The following CDK10 variants were observed in gnomAD, a reference collection of about 807,000 sequenced individuals.
The protein encoded by CDK10 is cyclin-dependent kinase 10.
A neutral mutation model predicts 51.0 loss-of-function variants in CDK10; 55 were observed. The ratio of observed to expected loss-of-function variants is 1.08; its 90% CI spans 0.87 to 1.35. The LOEUF is 1.35. Among genes scored for constraint, CDK10 ranks in the 40% most tolerant of loss-of-function variants. The pLI, the probability that CDK10 is intolerant of heterozygous loss-of-function variation, is 0.00. For synonymous variants in CDK10, 255 were observed against 199.1 expected (o/e 1.28, Z -2.36); for missense variants, 589 against 485.1 (o/e 1.21, Z -2.01).
Position 89,696,053 on chromosome 16 carries a change from G to A in CDK10, c.*361G>A, listed in dbSNP as rs567776031. ...CCGCTGTCTTTGAGTTGTGGTGGAC[G>A]CTGGCCTGGGATGAGAGGGCCCAGA... On this transcript the variant is annotated 3_prime_UTR_variant, in exon 13 of 13. Transcript: ENST00000353379. The A allele has an allele frequency of 2.6e-5, 15 of 567,586 alleles. No individual in the cohort carries two copies. The highest frequency in any genetic ancestry group is 8.0e-5 in the South Asian group (4 of 49,878). 35.2% of individuals were successfully genotyped at this position (567,586 alleles called of 1,614,324 possible).
intron 2 of CDK10, chr16:89,690,281 G>A (rs925687623): frequency 5.9e-6 from 3 of 504,524 alleles, no homozygotes; most frequent in African/African-American, 5.7e-5. Flanking sequence ...GACATGGAGA[G>A]CCTGGAGCCA....
At chr16:89,688,718 T>C (rs946929966) in intron 1 of CDK10, among the ~76,000 whole-genome samples, 1 of 152,222 alleles carries the variant, frequency 6.6e-6, no homozygotes, top group Non-Finnish European at 1.5e-5. Context: ...TATTTTTGTA[T>C]GTGGGATTGA....
chr16:89,692,845 T>C (rs990682895), intron 6 of CDK10, among the ~76,000 whole-genome samples: 1 of 150,462 alleles, frequency 6.6e-6, no homozygotes, highest in African/African-American at 2.4e-5. Context: ...AAAAAAATAA[T>C]AAAGATACTA....
chr16:89,694,646 G>A lies in CDK10; in HGVS notation c.669-19G>A. 2 of 1,580,116 alleles carry A rather than the reference G, an allele frequency of 1.3e-6. No individual in the cohort carries two copies. Among genetic ancestry groups the A allele is most frequent in the Admixed American group, 1.8e-5 (1 of 56,012 alleles). The stretch of plus-strand genomic sequence containing the variant: ...GTCAGCAGACGTCTGGCCGCAGTGA[G>A]GTCCACTGTTCTCTGCAGGGCTGTG... On this transcript the variant is annotated intron_variant, in intron 9 of 12. Transcript: ENST00000353379.
At chr16:89,689,494 C>G in intron 2 of CDK10, 170 bp downstream of exon 2, 1 of 627,334 alleles carries the variant, frequency 1.6e-6, no homozygotes, top group Non-Finnish European at 2.9e-6. Context: ...TTATCACAAA[C>G]ATTGTACCAT....
rs1331586122 is a variant in CDK10, at chr16:89,695,682, G to GT, written c.1074dup (p.Lys359Ter). The GT allele has an allele frequency of 8.1e-6, 13 of 1,597,874 alleles. No individual in the cohort carries two copies. Among genetic ancestry groups the GT allele is most frequent in the Non-Finnish European group, 1.0e-5 (12 of 1,174,512 alleles). On this transcript the variant is annotated frameshift_variant, in exon 13 of 13. Coordinates refer to ENST00000353379, the MANE Select transcript of CDK10 (RefSeq NM_052988.5). LOFTEE classifies it high-confidence loss of function. Reference sequence around the variant, plus strand: ...ACCTCCGAGGGCCAGAGCAAGCGCTGTAAACCCTGACGGTGGGCCTGGCAC... The same window carrying GT: ...ACCTCCGAGGGCCAGAGCAAGCGCTGTTAAACCCTGACGGTGGGCCTGGCAC...
chr16:89,689,227 C>G, intron 1 of CDK10, 25 bp from the exon 2 acceptor site: 5 of 1,611,892 alleles, frequency 3.1e-6, no homozygotes, highest in Non-Finnish European at 4.2e-6. Flanking sequence ...CAAATTTCCA[C>G]ACTGGCAACA....
chr16:89,694,844 G>A (rs2060631261), intron 10 of CDK10, 56 bp downstream of exon 10: 2 of 1,445,682 alleles, frequency 1.4e-6, no homozygotes, highest in African/African-American at 1.4e-5. Flanking sequence ...CTCTGCGCCC[G>A]CAGCCCCCGC....
intron 9 of CDK10, 114 bp from the exon 10 acceptor site, chr16:89,694,551 C>A (rs56380063): frequency 1.3e-6 from 2 of 1,506,654 alleles, no homozygotes; most frequent in Non-Finnish European, 1.8e-6. Context: ...CCTGACCCAG[C>A]GTGCCTCACA....
intron 5 of CDK10, 82 bp downstream of exon 5, chr16:89,691,969 G>C: frequency 8.5e-7 from 1 of 1,181,302 alleles, no homozygotes; most frequent in Non-Finnish European, 1.2e-6. Context: ...CAGGGCACTT[G>C]GGGACTTGAA....
chr16:89,690,704 C>T (rs139668375), intron 3 of CDK10, 80 bp downstream of exon 3: 21 of 1,240,304 alleles, frequency 1.7e-5, no homozygotes, highest in African/African-American at 1.0e-4. Flanking sequence ...TTCCTCAGAG[C>T]GACTGCACGG....
At position 89,693,424 on chromosome 16, in the gene CDK10, G is replaced by T. The variant is rs749903522; in HGVS notation, c.565G>T (p.Gly189Cys). ...TADFGLARAY[G>C]VPVKPMTPKV... is the part of the protein sequence containing the mutation. ...GGATTTCGGCCTGGCCCGGGCCTAT[G>T]GTGTCCCAGTAAAGCCAATGACCCC... The change falls in exon 8 of 13, where the codon GGT becomes TGT. Residue 189 changes from glycine (G) to cysteine (C), a missense_variant. Physicochemically the swap from Gly to Cys is radical, Grantham distance 159. Transcript: ENST00000353379. 2 of 1,614,056 alleles carry T rather than the reference G, an allele frequency of 1.2e-6. No homozygotes were observed. The highest frequency in any genetic ancestry group is 1.7e-5 in the Admixed American group (1 of 60,010).
At chr16:89,687,894 G>C (rs1176421758) in intron 1 of CDK10, 1 of 312,712 alleles carries the variant, frequency 3.2e-6, no homozygotes, top group Non-Finnish European at 6.4e-6. Context: ...CTTCTGACTC[G>C]GTCCCCAGGT....
chr16:89,691,364 T>C lies in CDK10; in HGVS notation c.233-79T>C, dbSNP rs914090831. The C allele has an allele frequency of 5.7e-6, 6 of 1,054,978 alleles. No homozygotes were observed. The African/African-American group carries it at 7.9e-5, about 14-fold the overall frequency. The allele number at this position is 1,054,978 out of a possible 1,614,324, so 65.4% of individuals were successfully genotyped here. ...TGCAGCACCTGCTATCAGGTGTTCGTGAAGCCCAAGAGTGGCTGGGGTTGG... is the reference window on the plus strand; with the variant it reads ...TGCAGCACCTGCTATCAGGTGTTCGCGAAGCCCAAGAGTGGCTGGGGTTGG... On this transcript the variant is annotated intron_variant, in intron 3 of 12. Coordinates refer to ENST00000353379, the MANE Select transcript of CDK10 (RefSeq NM_052988.5).
intron 3 of CDK10, 106 bp downstream of exon 3, chr16:89,690,730 C>T (rs529565910): frequency 3.0e-6 from 3 of 995,172 alleles, no homozygotes; most frequent in Admixed American, 1.8e-5. Flanking sequence ...GTAGCGGGGG[C>T]CGGCCTCTGG....
chr16:89,688,198 C>T (rs2060286211), intron 1 of CDK10, among the ~76,000 whole-genome samples: 1 of 151,168 alleles, frequency 6.6e-6, no homozygotes. Flanking sequence ...CCTCCTGCCT[C>T]AGCCTCCCAA....
At position 89,695,936 on chromosome 16, in the gene CDK10, A is replaced by G. The variant is rs2060703769; in HGVS notation, c.*244A>G. On this transcript the variant is annotated 3_prime_UTR_variant, in exon 13 of 13. Transcript: ENST00000353379. Reference sequence around the variant, plus strand: ...CTGGAAGGGCAGGTCTGGCGGCTCCATCCGTGGCTGCAGGGGTCTCATGTG... The same window carrying G: ...CTGGAAGGGCAGGTCTGGCGGCTCCGTCCGTGGCTGCAGGGGTCTCATGTG... 23 of 740,500 alleles carry G rather than the reference A, an allele frequency of 3.1e-5. No individual in the cohort carries two copies. In the South Asian group the frequency reaches 3.7e-4, roughly 12 times the overall value. The allele number at this position is 740,500 out of a possible 1,614,324, so 45.9% of individuals were successfully genotyped here. A position where few individuals can be genotyped will look rare whatever the true frequency, so the allele number is the denominator to read the frequency against.
rs376717310 is a variant in CDK10, at chr16:89,696,176, A to G, written c.*484A>G. On this transcript the variant is annotated 3_prime_UTR_variant, in exon 13 of 13. Transcript: ENST00000353379. ...CCTGGCAGGACTCCAGATGAGGACA[A>G]GAGGGACAAGGTATGGGGTGGGAGC... 5 of 360,480 alleles carry G rather than the reference A, an allele frequency of 1.4e-5. No individual in the cohort carries two copies. The East Asian group carries it at 2.5e-4, about 18-fold the overall frequency. The allele number at this position is 360,480 out of a possible 1,614,324, so 22.3% of individuals were successfully genotyped here.
intron 8 of CDK10, chr16:89,693,694 C>T: frequency 5.1e-6 from 3 of 589,530 alleles, no homozygotes; most frequent in South Asian, 4.0e-5. Context: ...CTAGATCAGA[C>T]ACACCTCGCC....
Sources: allele counts gnomAD v4.1 joint callset (sites outside exome capture counted in the v4.1 genomes callset), GRCh38; gene constraint gnomAD v4.1.1; transcripts MANE v1.5; gene names NCBI Gene and HGNC (gene_info 2026-07-23, HGNC 2026-07-21).